AHNAK2: variants seen among roughly 807,000 people sequenced by gnomAD.
AHNAK2 encodes protein AHNAK2.
A neutral mutation model predicts 30.7 loss-of-function variants in AHNAK2; 18 were observed. The observed-to-expected ratio is 0.59, with a 90% confidence interval of 0.41 to 0.87. The LOEUF (loss-of-function observed/expected upper bound fraction) is 0.87. AHNAK2 is among the 40% of genes least tolerant of loss of function. The pLI, the probability that AHNAK2 is intolerant of heterozygous loss-of-function variation, is 0.00. For missense variants in AHNAK2, 8,604 were observed against 7,373.0 expected, an observed-to-expected ratio of 1.17 and a Z score of -6.11; for synonymous variants, 3,590 against 3,073.8, an observed-to-expected ratio of 1.17 and a Z score of -5.56.
chr14:104,952,975 C>T lies in AHNAK2; in HGVS notation c.2476G>A (p.Val826Met), dbSNP rs552586061. ...TTGAACTTGCTGTCTTTGGCAGTCA[C>T]CTCCTTGTCGGCCAGGGACAGGTCC... is the stretch of plus-strand genomic sequence containing the variant. ...EGDLSLADKE[V>M]TAKDSKFKMP... The change falls in exon 7 of 7, where the codon GTG (valine) becomes ATG (methionine). Residue 826 changes from valine (V) to methionine (M), a missense_variant. Coordinates refer to ENST00000333244, the MANE Select transcript of AHNAK2 (RefSeq NM_138420.4). The T allele has an allele frequency of 1.2e-5, 19 of 1,612,706 alleles. No individual in the cohort carries two copies. In the African/African-American group the frequency reaches 2.4e-4, roughly 21 times the overall value.
rs1046421456 is a variant in AHNAK2 at position 104,966,020 on chromosome 14, G to A, written c.56-8348C>T. On this transcript the variant is annotated intron_variant, in intron 1 of 6. Coordinates refer to ENST00000333244, the MANE Select transcript of AHNAK2 (RefSeq NM_138420.4). This position sits in a 1 kb window ranked among gnomAD's most constrained non-coding sequence, Gnocchi z 4.3. ...CGCGGGCCCCTGCCACTCCCTCACC[G>A]CTTCACGGGCCTTTCCTTGCCCTTC... Among the ~76,000 whole-genome samples the A allele has an allele frequency of 3.3e-5, 5 of 152,196 alleles. No homozygotes were observed. The highest frequency in any genetic ancestry group is 5.9e-5 in the Non-Finnish European group (4 of 68,024).
In AHNAK2 at chr14:104,941,880, GC is replaced by G; in HGVS notation, c.13570del (p.Ala4524LeufsTer6). On this transcript the variant is annotated frameshift_variant, in exon 7 of 7. Coordinates refer to ENST00000333244, the MANE Select transcript of AHNAK2 (RefSeq NM_138420.4). LOFTEE classifies it low-confidence loss of function (END_TRUNC). ...TGGAAGTTTCAAGTCCACCTGGCCA[GC>G]CTGGACCTCCAGGTCGGCGGAAGGG... Reference protein sequence around the residue: ...QAPSADLEVQAGQVDLKLPEG... With the variant: ...QAPSADLEVQXGQVDLKLPEG... The G allele has an allele frequency of 6.2e-7, 1 of 1,613,622 alleles. No individual in the cohort carries two copies. The highest frequency in any genetic ancestry group is 8.5e-7 in the Non-Finnish European group (1 of 1,179,688).
Position 104,942,286 on chromosome 14 carries a change from A to C in AHNAK2, c.13165T>G (p.Phe4389Val). 13 of 1,612,812 alleles carry C rather than the reference A, an allele frequency of 8.1e-6. No individual in the cohort carries two copies. The highest frequency in any genetic ancestry group is 1.1e-5 in the Non-Finnish European group (13 of 1,179,662). The stretch of plus-strand genomic sequence containing the variant: ...TTGAGGTCCACTTTGGGTACCTTGA[A>C]ACTGGGCATCTGCAGCTTCGGCAGG... ...GHLPKLQMPS[F>V]KVPKVDLKGP... Residue 4389 changes from phenylalanine (F) to valine (V), a missense_variant, in exon 7 of 7, where the codon TTC (phenylalanine) becomes GTC (valine). By Grantham distance (50) the Phe-to-Val change is conservative. Coordinates refer to ENST00000333244, the MANE Select transcript of AHNAK2 (RefSeq NM_138420.4).
rs202152138 is a variant in AHNAK2, at chr14:104,946,962, T to C, written c.8489A>G (p.Lys2830Arg). 3.6e-5 allele frequency: 58 copies of C among 1,612,506 alleles called. 2 individuals are homozygous for C. Among genetic ancestry groups the C allele is most frequent in the Admixed American group, 3.2e-4 (19 of 59,884 alleles). Residue 2830 changes from lysine to arginine, a missense_variant, in exon 7 of 7, where the codon AAG becomes AGG. Coordinates refer to ENST00000333244, the MANE Select transcript of AHNAK2 (RefSeq NM_138420.4). ...CACATCCACCGAGGCCTCGATGGAC[T>C]TGCCTGGGGCCGACACCCCGAATGA... The part of the protein sequence containing the change: ...MPSFGVSAPG[K>R]SIEASVDVSE...
chr14:104,950,080 C>T lies in AHNAK2; in HGVS notation c.5371G>A (p.Val1791Met), dbSNP rs1300860340. Residue 1791 changes from valine (V) to methionine (M), a missense_variant, in exon 7 of 7, where the codon GTG becomes ATG. Coordinates refer to ENST00000333244, the MANE Select transcript of AHNAK2 (RefSeq NM_138420.4). Reference sequence around the variant, plus strand: ...TTGGCTCCTGGAGCCTCGACGTCCACCTCCACGCTGGGCAGAGACACCTCC... The same window carrying T: ...TTGGCTCCTGGAGCCTCGACGTCCATCTCCACGCTGGGCAGAGACACCTCC... ...DVEVSLPSVE[V>M]DVEAPGAKLD... The T allele has an allele frequency of 6.3e-7, 1 of 1,587,250 alleles. No homozygotes were observed. Among genetic ancestry groups the T allele is most frequent in the East Asian group, 2.2e-5 (1 of 44,474 alleles).
chr14:104,953,253 T>G lies in AHNAK2; in HGVS notation c.2198A>C (p.Glu733Ala), dbSNP rs1202673161. Reference sequence around the variant, plus strand: ...CACATCCACTTGGCCATCCTGGACCTCCAGGTCAGCGGAAGGGGTCTGGAC... The same window carrying G: ...CACATCCACTTGGCCATCCTGGACCGCCAGGTCAGCGGAAGGGGTCTGGAC... ...LSVQTPSADL[E>A]VQDGQVDVKL... is the part of the protein sequence containing the mutation. Residue 733 changes from glutamate (E) to alanine (A), a missense_variant, in exon 7 of 7, where the codon GAG becomes GCG. Coordinates refer to ENST00000333244, the MANE Select transcript of AHNAK2 (RefSeq NM_138420.4). The G allele has an allele frequency of 6.2e-7, 1 of 1,612,906 alleles. No homozygotes were observed. Among genetic ancestry groups the G allele is most frequent in the African/African-American group, 1.3e-5 (1 of 74,460 alleles).
rs569250855 is a variant in AHNAK2, at chr14:104,941,749, C to G, written c.13702G>C (p.Val4568Leu). Residue 4568 changes from valine to leucine, a missense_variant, in exon 7 of 7, where the codon GTC (valine) becomes CTC (leucine). By Grantham distance (32) the Val-to-Leu change is conservative. Transcript: ENST00000333244. ...KVDLKGPQVD[V>L]KGPKLDLKGP... ...TTCAGGTCCAGCTTGGGGCCCTTGA[C>G]GTCCACCTGGGGGCCCTTGAGGTCC... The G allele has an allele frequency of 4.3e-6, 7 of 1,613,548 alleles. No individual in the cohort carries two copies. The African/African-American group carries it at 8.0e-5, about 18-fold the overall frequency.
chr14:104,943,721 G>T lies in AHNAK2; in HGVS notation c.11730C>A (p.Gly3910=), dbSNP rs1224701913. Residue 3910 remains glycine (G), a synonymous_variant, in exon 7 of 7, where the codon GGC becomes GGA. Transcript: ENST00000333244. ...DLKGPEIDIK[G]PKLDLKDPKV... ...TGGGGTCTTTTAGGTCCAGCTTGGG[G>T]CCCTTGATGTCTATTTCAGGGCCCT... 1 of 1,612,646 alleles carries T rather than the reference G, an allele frequency of 6.2e-7. No homozygotes were observed. Among genetic ancestry groups the T allele is most frequent in the East Asian group, 2.2e-5 (1 of 44,738 alleles).
At position 104,968,809 on chromosome 14, in the gene AHNAK2, G is replaced by A. The variant is rs764868125; in HGVS notation, c.55+9374C>T. On this transcript the variant is annotated intron_variant, in intron 1 of 6. Coordinates refer to ENST00000333244, the MANE Select transcript of AHNAK2 (RefSeq NM_138420.4). ...ACACGTGTGTGCTCACAGGATGTAC[G>A]TGCTCAGGTGCTAGGGCGTGTGTGC... Among the ~76,000 whole-genome samples, 19 of 152,318 alleles carry A rather than the reference G, an allele frequency of 1.2e-4. No individual in the cohort carries two copies. In the Middle Eastern group the frequency reaches 0.01, roughly 82 times the overall value.
Position 104,944,570 on chromosome 14 carries a change from A to C in AHNAK2, c.10881T>G (p.Ala3627=), listed in dbSNP as rs373361552. 144 of 1,609,628 alleles carry C rather than the reference A, an allele frequency of 8.9e-5. No homozygotes were observed. The Middle Eastern group carries it at 1.5e-3, about 17-fold the overall frequency. ...AGRLEGDLSL[A]DKDVTAKDSK... ...TGTCTTTGGCAGTCACGTCCTTGTCAGCCAGGGACAGGTCTCCCTCCAGCC... is the reference window on the plus strand; with the variant it reads ...TGTCTTTGGCAGTCACGTCCTTGTCCGCCAGGGACAGGTCTCCCTCCAGCC... The change falls in exon 7 of 7, where the codon GCT becomes GCG. Residue 3627 remains alanine (A), a synonymous_variant. Transcript: ENST00000333244.
At position 104,942,296 on chromosome 14, in the gene AHNAK2, C is replaced by T. The variant is rs774392713; in HGVS notation, c.13155G>A (p.Gln4385=). 6.2e-7 allele frequency: 1 copy of T among 1,613,368 alleles called. No homozygotes were observed. Residue 4385 remains glutamine, a synonymous_variant, in exon 7 of 7, where the codon CAG becomes CAA. Transcript: ENST00000333244. The part of the protein sequence containing the change: ...AGLKGHLPKL[Q]MPSFKVPKVD... ...CTTTGGGTACCTTGAAACTGGGCAT[C>T]TGCAGCTTCGGCAGGTGCCCTTTGA...
rs1189913314 is a variant in AHNAK2 at position 104,946,076 on chromosome 14, C to T, written c.9375G>A (p.Leu3125=). The part of the protein sequence containing the change: ...APGAKLDGAR[L]EGDLSLADKD... ...TGTCGGCCAGGGACAGGTCCCCCTCCAGCCGTGCACCATCCAACTTGGCTC... is the reference window on the plus strand; with the variant it reads ...TGTCGGCCAGGGACAGGTCCCCCTCTAGCCGTGCACCATCCAACTTGGCTC... The change falls in exon 7 of 7, where the codon CTG becomes CTA. Residue 3125 remains leucine (L), a synonymous_variant. Coordinates refer to ENST00000333244, the MANE Select transcript of AHNAK2 (RefSeq NM_138420.4). 5 of 1,610,136 alleles carry T rather than the reference C, an allele frequency of 3.1e-6. 1 individual carries two copies. The South Asian group carries it at 4.4e-5, about 14-fold the overall frequency.
In AHNAK2 at chr14:104,948,238, G is replaced by T. The variant is rs372175719; in HGVS notation, c.7213C>A (p.Gln2405Lys). The T allele has an allele frequency of 1.9e-6, 3 of 1,612,418 alleles. No homozygotes were observed. The African/African-American group carries it at 4.0e-5, about 22-fold the overall frequency. Residue 2405 changes from glutamine to lysine, a missense_variant, in exon 7 of 7, where the codon CAG (glutamine) becomes AAG (lysine). Coordinates refer to ENST00000333244, the MANE Select transcript of AHNAK2 (RefSeq NM_138420.4). ...TTGGGCATCTTGAAACTGGGCATCT[G>T]CAGCTTGGGCAGGTGCCCTTTGAGG... The part of the protein sequence containing the change: ...AGLKGHLPKL[Q>K]MPSFKMPKVD...
In AHNAK2 at chr14:104,954,454, C is replaced by G. The variant is rs776420010; in HGVS notation, c.997G>C (p.Gly333Arg). ...FLNLRFRTGS[G>R]QGPSSTGQPG... ...TGTCCTGTCGATGAAGGGCCCTGTC[C>G]CGAGCCTGTCCTGAATCTGAGGTTG... Residue 333 changes from glycine to arginine, a missense_variant, in exon 7 of 7, where the codon GGA (glycine) becomes CGA (arginine). By Grantham distance (125) the Gly-to-Arg change is moderately radical. Transcript: ENST00000333244. This position sits in a 1 kb window ranked among gnomAD's most constrained non-coding sequence, Gnocchi z 4.3. 8 of 1,612,708 alleles carry G rather than the reference C, an allele frequency of 5.0e-6. No homozygotes were observed. The highest frequency in any genetic ancestry group is 3.4e-6 in the Non-Finnish European group (4 of 1,179,604).
rs972823802 is a variant in AHNAK2 at position 104,948,628 on chromosome 14, G to C, written c.6823C>G (p.Pro2275Ala). The change falls in exon 7 of 7, where the codon CCT (proline) becomes GCT (alanine). Residue 2275 changes from proline (P) to alanine (A), a missense_variant. Pro to Ala is a conservative substitution (Grantham distance 27). Transcript: ENST00000333244. ...CTGGGCAGAGACACCTCCACATCAG[G>C]GGCTGTCACTTCCACCTTGGGGTCT... ...LKDPKVEVTA[P>A]DVEVSLPSVE... The C allele has an allele frequency of 3.7e-6, 6 of 1,612,202 alleles. No individual in the cohort carries two copies. The African/African-American group carries it at 8.1e-5, about 22-fold the overall frequency.
At chr14:104,976,841 G>A (rs1344001677) in intron 1 of AHNAK2, among the ~76,000 whole-genome samples, 1 of 152,214 alleles carries the variant, frequency 6.6e-6, no homozygotes, top group East Asian at 1.9e-4. Context: ...TCCCATGCCT[G>A]GGGGCCCTGC....
chr14:104,945,404 C>G lies in AHNAK2; in HGVS notation c.10047G>C (p.Gly3349=). The change falls in exon 7 of 7, where the codon GGG becomes GGC. Residue 3349 remains glycine, a synonymous_variant. Coordinates refer to ENST00000333244, the MANE Select transcript of AHNAK2 (RefSeq NM_138420.4). ...EADVSLPSMQ[G]DLKTTDLSIQ... The stretch of plus-strand genomic sequence containing the variant: ...TGCTGAGGTCAGTGGTCTTGAGGTC[C>G]CCCTGCATGGAGGGGAGGCTCACGT... 1 of 1,613,206 alleles carries G rather than the reference C, an allele frequency of 6.2e-7. No individual in the cohort carries two copies. The highest frequency in any genetic ancestry group is 8.5e-7 in the Non-Finnish European group (1 of 1,179,630).
At position 104,953,982 on chromosome 14, in the gene AHNAK2, T is replaced by G; in HGVS notation, c.1469A>C (p.Lys490Thr). 2 of 1,613,928 alleles carry G rather than the reference T, an allele frequency of 1.2e-6. No individual in the cohort carries two copies. The highest frequency in any genetic ancestry group is 1.7e-6 in the Non-Finnish European group (2 of 1,179,892). Residue 490 changes from lysine to threonine, a missense_variant, in exon 7 of 7, where the codon AAG becomes ACG. Lys to Thr is a moderately conservative substitution (Grantham distance 78, BLOSUM62 -1). Transcript: ENST00000333244. ...TGTGGAAAATGCAAATTTTGGTGTC[T>G]TTAAATCGTGTACTCGCACCCTAAT... ...PEIRVRVHDL[K>T]TPKFAFSTEK...
In AHNAK2 at chr14:104,939,472, C is replaced by A; in HGVS notation, c.15979G>T (p.Glu5327Ter). 6.2e-7 allele frequency: 1 copy of A among 1,613,494 alleles called. No homozygotes were observed. The highest frequency in any genetic ancestry group is 8.5e-7 in the Non-Finnish European group (1 of 1,179,814). ...ETQVLPGEID[E>*]TPLSKPGHDL... ...TGTCCTGGCTTGGAAAGAGGAGTCT[C>A]ATCTATTTCTCCTGGAAGAACCTGG... Residue 5327 changes from glutamate (E) to a stop codon, truncating the protein, a stop_gained, in exon 7 of 7, where the codon GAG becomes TAG. Transcript: ENST00000333244. LOFTEE classifies it low-confidence loss of function (END_TRUNC).
Sources: gnomAD v4.1 joint callset for allele counts (sites outside exome capture counted in the v4.1 genomes callset) on GRCh38, gnomAD v4.1.1 for gene constraint, Gnocchi (gnomAD v3.1) non-coding constraint, MANE v1.5 for transcripts, NCBI Gene and HGNC (gene_info 2026-07-23, HGNC 2026-07-21) for gene names.